Variants in DCC observed in about 807,000 individuals in gnomAD.
DCC encodes DCC netrin 1 receptor.
DCC carries 58 observed loss-of-function variants against 172.5 expected under a neutral mutation model. The ratio of observed to expected loss-of-function variants is 0.34; its 90% CI spans 0.27 to 0.42. The LOEUF (loss-of-function observed/expected upper bound fraction) is 0.42, where lower values mean the gene tolerates loss of function less well. DCC is among the 10% of genes least tolerant of loss of function. The pLI, the probability that DCC is intolerant of heterozygous loss-of-function variation, is 1.00. For synonymous variants in DCC, 709 were observed against 644.5 expected, an observed-to-expected ratio of 1.10 and a Z score of -1.52; for missense variants, 1,740 against 1,791.0, an observed-to-expected ratio of 0.97 and a Z score of 0.51.
chr18:52,591,884 G>T (rs2033809647), intron 1 of DCC, among the ~76,000 whole-genome samples: 1 of 149,814 alleles, frequency 6.7e-6, no homozygotes, highest in Non-Finnish European at 1.5e-5. Flanking sequence ...AAAGCTCTAG[G>T]ATTACATGCC....
chr18:53,060,210 G>C (rs2042473954), intron 5 of DCC, among the ~76,000 whole-genome samples: 1 of 151,758 alleles, frequency 6.6e-6, no homozygotes, highest in Admixed American at 6.6e-5. Flanking sequence ...TGTTGCTGCT[G>C]TTTAGTAGAG....
At chr18:52,634,460 G>A (rs12968691) in intron 1 of DCC, among the ~76,000 whole-genome samples, 7,072 of 152,208 alleles carry the variant, frequency 0.046, 250 homozygotes, top group Admixed American at 0.11. Context: ...ATCCTGGGGA[G>A]CATACATCAT....
chr18:52,903,975 G>A (rs1033224684), intron 2 of DCC, among the ~76,000 whole-genome samples: 11 of 152,270 alleles, frequency 7.2e-5, no homozygotes, highest in Admixed American at 1.3e-4. Context: ...AATTCCTTTC[G>A]TTCTTCACCC....
chr18:52,837,540 T>C (rs1024773413), intron 2 of DCC, among the ~76,000 whole-genome samples: 4 of 152,158 alleles, frequency 2.6e-5, no homozygotes, highest in Non-Finnish European at 5.9e-5. Flanking sequence ...CAGTTCCCAA[T>C]AAGTTCTCCA....
intron 15 of DCC, among the ~76,000 whole-genome samples, chr18:53,365,070 C>A (rs984674735): frequency 6.6e-6 from 1 of 151,678 alleles, no homozygotes; most frequent in Admixed American, 6.6e-5. Context: ...TACTATCCCT[C>A]CCCCCTCCTC....
At chr18:52,543,887 G>T (rs2032536261) in intron 1 of DCC, among the ~76,000 whole-genome samples, 1 of 152,214 alleles carries the variant, frequency 6.6e-6, no homozygotes, top group Non-Finnish European at 1.5e-5. Flanking sequence ...TGTAGTAGCT[G>T]CAAACTGCAG....
chr18:53,034,393 T>A (rs2042064982), intron 5 of DCC, among the ~76,000 whole-genome samples: 1 of 152,122 alleles, frequency 6.6e-6, no homozygotes, highest in African/African-American at 2.4e-5. Flanking sequence ...ATTATTTCTT[T>A]GTTCAGGCCC....
At chr18:52,741,121 C>T (rs778990962) in intron 1 of DCC, among the ~76,000 whole-genome samples, 12 of 152,222 alleles carry the variant, frequency 7.9e-5, no homozygotes, top group Non-Finnish European at 1.3e-4. Flanking sequence ...ATATAAACTA[C>T]ATAAATTGCT....
intron 19 of DCC, among the ~76,000 whole-genome samples, chr18:53,405,188 A>G (rs913191276): frequency 1.7e-5 from 2 of 120,782 alleles, no homozygotes; most frequent in African/African-American, 5.6e-5. Context: ...AATAATAAAA[A>G]GTAAAAAAAA....
chr18:53,239,327 C>T (rs994060927), intron 12 of DCC, among the ~76,000 whole-genome samples: 1 of 151,408 alleles, frequency 6.6e-6, no homozygotes, highest in Non-Finnish European at 1.5e-5. Context: ...GATGAAATAA[C>T]CCTTTATGGT....
intron 27 of DCC, among the ~76,000 whole-genome samples, chr18:53,511,717 C>T (rs950688756): frequency 3.9e-5 from 6 of 152,154 alleles, no homozygotes; most frequent in Non-Finnish European, 7.4e-5. Context: ...CCTGGAAAAT[C>T]GGGTCACTCC....
At chr18:52,471,041 A>G (rs958270312) in intron 1 of DCC, among the ~76,000 whole-genome samples, 1 of 152,166 alleles carries the variant, frequency 6.6e-6, no homozygotes, top group Non-Finnish European at 1.5e-5. Context: ...ATAACTGTTC[A>G]CACGCTGAGA....
At chr18:53,342,487 T>G (rs1299635700) in intron 15 of DCC, among the ~76,000 whole-genome samples, 5 of 151,772 alleles carry the variant, frequency 3.3e-5, no homozygotes, top group African/African-American at 4.8e-5. Flanking sequence ...TCTATCTTTA[T>G]ATCTTTATTC....
At chr18:53,462,462 G>A (rs1346890302) in intron 24 of DCC, among the ~76,000 whole-genome samples, 3 of 151,384 alleles carry the variant, frequency 2.0e-5, no homozygotes, top group African/African-American at 4.9e-5. Flanking sequence ...ATCTGTCACT[G>A]TCTCCCATAA....
chr18:53,170,060 C>T (rs2054989077), intron 8 of DCC, among the ~76,000 whole-genome samples: 1 of 152,128 alleles, frequency 6.6e-6, no homozygotes, highest in Non-Finnish European at 1.5e-5. Flanking sequence ...CGTGGGAATC[C>T]TTGGGGCTAG....
Position 52,431,224 on chromosome 18 carries a change from A to G in DCC, c.91+90346A>G, listed in dbSNP as rs762050272. On this transcript the variant is annotated intron_variant, in intron 1 of 28. Coordinates refer to ENST00000442544, the MANE Select transcript of DCC (RefSeq NM_005215.4). ...CAAGCTGCACTTTTACAAGTCCTCT[A>G]GGTGATTTGGAGGCTTGCTACATTT... is the stretch of plus-strand genomic sequence containing the variant. 1.6e-4 allele frequency among the ~76,000 whole-genome samples: 25 copies of G among 152,164 alleles called. 1 individual carries two copies. The highest frequency in any genetic ancestry group is 3.1e-4 in the Non-Finnish European group (21 of 68,030).
chr18:52,719,655 G>T (rs1016085216), intron 1 of DCC, among the ~76,000 whole-genome samples: 4 of 152,104 alleles, frequency 2.6e-5, no homozygotes, highest in Non-Finnish European at 4.4e-5. Flanking sequence ...ATACAGTGCG[G>T]CATATCATTA....
At chr18:53,366,545 T>A (rs2144945853) in intron 15 of DCC, among the ~76,000 whole-genome samples, 1 of 152,256 alleles carries the variant, frequency 6.6e-6, no homozygotes, top group East Asian at 1.9e-4. Flanking sequence ...CCTGGTGGGA[T>A]GTTCATTAAA....
chr18:53,192,999 T>TA (rs1334982595), intron 9 of DCC, among the ~76,000 whole-genome samples: 1 of 152,106 alleles, frequency 6.6e-6, no homozygotes, highest in Non-Finnish European at 1.5e-5. Flanking sequence ...ACCGTCCCTA[T>TA]AGCTCTTAAA....
Sources: gnomAD v4.1 joint callset for allele counts (sites outside exome capture counted in the v4.1 genomes callset) on GRCh38, gnomAD v4.1.1 for gene constraint, MANE v1.5 for transcripts, NCBI Gene and HGNC (gene_info 2026-07-23, HGNC 2026-07-21) for gene names.